The following KIAA2012 variants were observed in gnomAD, a reference collection of about 807,000 sequenced individuals.
KIAA2012 encodes the protein uncharacterized protein KIAA2012.
A neutral mutation model predicts 150.6 loss-of-function variants in KIAA2012; 125 were observed. The observed-to-expected ratio is 0.83, with a 90% confidence interval of 0.72 to 0.96. KIAA2012 has a LOEUF of 0.96. Among genes scored for constraint, KIAA2012 ranks in the 40% least tolerant of loss-of-function variants. The pLI, the probability that KIAA2012 is intolerant of heterozygous loss-of-function variation, is 0.00. For synonymous variants in KIAA2012, 462 were observed against 504.7 expected, an observed-to-expected ratio of 0.92 and a Z score of 1.13; for missense variants, 1,219 against 1,354.9, an observed-to-expected ratio of 0.90 and a Z score of 1.57.
chr2:202,099,873 GC>G (rs1689998617), intron 6 of KIAA2012, 77 bp downstream of exon 6: 2 of 1,239,020 alleles, frequency 1.6e-6, no homozygotes, highest in African/African-American at 1.5e-5. Flanking sequence ...ACTGAGGCAT[GC>G]CAAACATCAC....
At chr2:202,154,945 A>C (rs1414008392) in intron 14 of KIAA2012, 135 bp downstream of exon 14, 1 of 1,057,556 alleles carries the variant, frequency 9.5e-7, no homozygotes, top group African/African-American at 1.6e-5. Flanking sequence ...GACAGAAAAT[A>C]GGCAGTTTGT....
At chr2:202,203,957 G>A (rs2105760184) in intron 23 of KIAA2012, among the ~76,000 whole-genome samples, 1 of 152,106 alleles carries the variant, frequency 6.6e-6, no homozygotes, top group South Asian at 2.1e-4. Flanking sequence ...TTTTAGTAGA[G>A]ACGGGGTTTC....
At chr2:202,184,663 C>T in intron 15 of KIAA2012, 90 bp from the exon 16 acceptor site, 1 of 836,184 alleles carries the variant, frequency 1.2e-6, no homozygotes, top group South Asian at 2.1e-5. Context: ...ATGCCTTTGG[C>T]TACTCACCAG....
At position 202,194,184 on chromosome 2, in the gene KIAA2012, T is replaced by C. The variant is rs1167249549; in HGVS notation, c.3015-6T>C. ...CCATTTCCCTGACCATCTTGGGTTT[T>C]CTCAGCTTGAGGAAACAGAGACTCC... On this transcript the variant is annotated splice_polypyrimidine_tract_variant and splice_region_variant and intron_variant, in intron 20 of 23. Transcript: ENST00000498697. The C allele has an allele frequency of 6.5e-7, 1 of 1,550,302 alleles. No individual in the cohort carries two copies. The highest frequency in any genetic ancestry group is 8.7e-7 in the Non-Finnish European group (1 of 1,146,838).
At chr2:202,154,602 G>T in intron 13 of KIAA2012, 71 bp from the exon 14 acceptor site, 1 of 1,345,454 alleles carries the variant, frequency 7.4e-7, no homozygotes, top group Admixed American at 3.0e-5. Flanking sequence ...AATATTTGGG[G>T]ATTTGGACTA....
chr2:202,158,539 A>G (rs1691582469), intron 14 of KIAA2012, among the ~76,000 whole-genome samples: 1 of 151,364 alleles, frequency 6.6e-6, no homozygotes, highest in Admixed American at 6.6e-5. Flanking sequence ...ACCTCTTTAC[A>G]ACACTGAAGG....
intron 4 of KIAA2012, among the ~76,000 whole-genome samples, chr2:202,096,061 G>A (rs112423163): frequency 9.9e-5 from 15 of 152,236 alleles, no homozygotes; most frequent in South Asian, 2.1e-4. Context: ...TCCAGCCTGG[G>A]CAACAGAGTG....
chr2:202,096,028 G>A (rs981852826), intron 4 of KIAA2012, among the ~76,000 whole-genome samples: 9 of 152,128 alleles, frequency 5.9e-5, no homozygotes, highest in Admixed American at 4.6e-4. Context: ...AGGTTGCAGT[G>A]AGCCAAGATC....
At chr2:202,117,450 T>A (rs1449105727) in intron 11 of KIAA2012, among the ~76,000 whole-genome samples, 1 of 152,250 alleles carries the variant, frequency 6.6e-6, no homozygotes, top group Non-Finnish European at 1.5e-5. Flanking sequence ...ATGATTTTCC[T>A]TAAGTAGCCC....
chr2:202,118,186 C>T (rs1297611150), intron 11 of KIAA2012, among the ~76,000 whole-genome samples: 2 of 152,038 alleles, frequency 1.3e-5, no homozygotes, highest in Non-Finnish European at 2.9e-5. Flanking sequence ...AAGATAGGAG[C>T]CCCACGTGGT....
At position 202,095,761 on chromosome 2, in the gene KIAA2012, C is replaced by T. The variant is rs368354767; in HGVS notation, c.686-1674C>T. 2.0e-4 allele frequency among the ~76,000 whole-genome samples: 31 copies of T among 152,170 alleles called. No individual in the cohort carries two copies. In the East Asian group the frequency reaches 3.9e-3, roughly 19 times the overall value. ...CTCTGTATCCCCCTACTCACAATGCCGCCCACCCCAACTTAGATACCCAAT... is the reference window on the plus strand; with the variant it reads ...CTCTGTATCCCCCTACTCACAATGCTGCCCACCCCAACTTAGATACCCAAT... On this transcript the variant is annotated intron_variant, in intron 4 of 23. Coordinates refer to ENST00000498697, the MANE Select transcript of KIAA2012 (RefSeq NM_001277372.4).
At chr2:202,184,958 A>G in intron 16 of KIAA2012, 115 bp downstream of exon 16, 2 of 709,426 alleles carry the variant, frequency 2.8e-6, no homozygotes, top group South Asian at 4.1e-5. Flanking sequence ...AGCTGACAGT[A>G]TGCTCTAACA....
At position 202,202,765 on chromosome 2, in the gene KIAA2012, T is replaced by TA. The variant is rs201956961; in HGVS notation, c.*20+185dup. ...CAACATAGTGGAAACCTCATCTTTA[T>TA]AAAAAAACATTTAAATTAGCCAGGC... On this transcript the variant is annotated intron_variant, in intron 23 of 23. Coordinates refer to ENST00000498697, the MANE Select transcript of KIAA2012 (RefSeq NM_001277372.4). 4.9e-3 allele frequency among the ~76,000 whole-genome samples: 738 copies of TA among 151,850 alleles called. 9 individuals carry two copies. The highest frequency in any genetic ancestry group is 0.016 in the African/African-American group (676 of 41,418).
chr2:202,136,273 G>A (rs11893249), intron 12 of KIAA2012: 3,209 of 159,160 alleles, frequency 0.02, 108 homozygotes, highest in African/African-American at 0.072. Context: ...GGTCTTACTG[G>A]CCTCAAGAGT....
chr2:202,177,073 T>C (rs539185493), intron 15 of KIAA2012, among the ~76,000 whole-genome samples: 1 of 152,308 alleles, frequency 6.6e-6, no homozygotes, highest in African/African-American at 2.4e-5. Context: ...TTTTAAATGG[T>C]CACATATTTA....
chr2:202,089,262 T>C (rs968614378), intron 2 of KIAA2012, among the ~76,000 whole-genome samples: 1 of 152,222 alleles, frequency 6.6e-6, no homozygotes, highest in African/African-American at 2.4e-5. Context: ...TTCTTTCTCA[T>C]TGTTCAAGCC....
intron 2 of KIAA2012, 25 bp downstream of exon 2, chr2:202,075,200 TG>T (rs1433937564): frequency 7.2e-6 from 11 of 1,517,842 alleles, no homozygotes; most frequent in Non-Finnish European, 7.9e-6. Flanking sequence ...CCCTTGGGTT[TG>T]GGGAAGGTGC....
At chr2:202,178,201 A>C (rs2105735049) in intron 15 of KIAA2012, among the ~76,000 whole-genome samples, 2 of 150,744 alleles carry the variant, frequency 1.3e-5, no homozygotes, top group South Asian at 4.4e-4. Context: ...TCTGTCTCAG[A>C]AAAAGAAAGA....
At chr2:202,195,124 T>C (rs1397810412) in intron 21 of KIAA2012, among the ~76,000 whole-genome samples, 3 of 152,162 alleles carry the variant, frequency 2.0e-5, no homozygotes, top group African/African-American at 7.2e-5. Context: ...CAGGGTACAG[T>C]GTGACCGTTT....
Sources: gnomAD v4.1 joint callset for allele counts (sites outside exome capture counted in the v4.1 genomes callset) on GRCh38, gnomAD v4.1.1 for gene constraint, MANE v1.5 for transcripts, NCBI Gene and HGNC (gene_info 2026-07-23, HGNC 2026-07-21) for gene names.